Variants in HPSE2 observed in about 807,000 individuals in gnomAD.
HPSE2 encodes heparanase 2 (inactive).
In HPSE2, 38 loss-of-function variants were observed where a neutral mutation model predicts 60.5. The observed-to-expected ratio is 0.63, with a 90% CI of 0.48 to 0.82. The LOEUF (loss-of-function observed/expected upper bound fraction) is 0.82, where lower values mean the gene tolerates loss of function less well. HPSE2 is among the 40% of genes least tolerant of loss of function. The probability of loss-of-function intolerance (pLI) is 0.00; values close to 1 mark genes in which losing one functional copy is unlikely to be tolerated. For synonymous variants in HPSE2, 295 were observed against 293.2 expected, an observed-to-expected ratio of 1.01 and a Z score of -0.06; for missense variants, 713 against 740.4, an observed-to-expected ratio of 0.96 and a Z score of 0.43.
At chr10:98,564,075 G>A (rs963511713) in intron 9 of HPSE2, among the ~76,000 whole-genome samples, 2 of 152,140 alleles carry the variant, frequency 1.3e-5, no homozygotes, top group African/African-American at 4.8e-5. Context: ...CCTCCCTTTA[G>A]TGAGAGCTGG....
At chr10:98,824,383 C>G (rs565656897) in intron 3 of HPSE2, among the ~76,000 whole-genome samples, 1 of 152,296 alleles carries the variant, frequency 6.6e-6, no homozygotes, top group East Asian at 1.9e-4. Context: ...ACTGTGTGCA[C>G]TTTTCTGCAT....
Position 99,126,410 on chromosome 10 carries a change from T to C in HPSE2, c.610+17828A>G, listed in dbSNP as rs1845166255. Among the ~76,000 whole-genome samples, 1 of 152,138 alleles carries C rather than the reference T, an allele frequency of 6.6e-6. No homozygotes were observed. The highest frequency in any genetic ancestry group is 6.5e-5 in the Admixed American group (1 of 15,274). On this transcript the variant is annotated intron_variant, in intron 3 of 11. Coordinates refer to ENST00000370552, the MANE Select transcript of HPSE2 (RefSeq NM_021828.5). This position sits in a 1 kb window ranked among gnomAD's most constrained non-coding sequence, Gnocchi z 4.0. The stretch of plus-strand genomic sequence containing the variant: ...GAAAAGACAGCTCATCCAAGCTTTA[T>C]GGCCCCACCCATCGCCTGGGAAACC...
intron 9 of HPSE2, among the ~76,000 whole-genome samples, chr10:98,600,814 G>A (rs1945380255): frequency 2.0e-5 from 3 of 146,386 alleles, no homozygotes; most frequent in South Asian, 4.3e-4. Flanking sequence ...GTGTGTGCGT[G>A]TGTGTGTAGA....
At chr10:98,475,422 G>T (rs560118525) in intron 11 of HPSE2, among the ~76,000 whole-genome samples, 259 of 152,168 alleles carry the variant, frequency 1.7e-3, no homozygotes, top group Non-Finnish European at 2.8e-3. Context: ...CCCAGCCCGG[G>T]ACCATAATTC....
chr10:99,105,693 T>G (rs1479340126), intron 3 of HPSE2, among the ~76,000 whole-genome samples: 1 of 152,106 alleles, frequency 6.6e-6, no homozygotes, highest in Non-Finnish European at 1.5e-5. Flanking sequence ...AAGAACTCTT[T>G]GCCCACACCA....
At chr10:99,230,853 A>G (rs1349519102) in intron 2 of HPSE2, among the ~76,000 whole-genome samples, 1 of 152,178 alleles carries the variant, frequency 6.6e-6, no homozygotes, top group Non-Finnish European at 1.5e-5. Context: ...AAAAACCATT[A>G]ATATTCTCCC....
intron 5 of HPSE2, among the ~76,000 whole-genome samples, chr10:98,700,625 A>T (rs1178807667): frequency 9.8e-6 from 1 of 101,836 alleles, no homozygotes; most frequent in Non-Finnish European, 2.2e-5. Flanking sequence ...AATGGCAACA[A>T]AAGCCAAAAT....
At chr10:98,521,296 A>G (rs1942784128) in intron 9 of HPSE2, among the ~76,000 whole-genome samples, 2 of 152,344 alleles carry the variant, frequency 1.3e-5, no homozygotes, top group Non-Finnish European at 2.9e-5. Context: ...ATTTACAAGA[A>G]AAAAACTCCA....
In HPSE2 at chr10:99,232,513, G is replaced by A. The variant is rs765370069; in HGVS notation, c.291-8C>T. On this transcript the variant is annotated splice_region_variant and splice_polypyrimidine_tract_variant and intron_variant, in intron 1 of 11. Coordinates refer to ENST00000370552, the MANE Select transcript of HPSE2 (RefSeq NM_021828.5). ...GTCACCAAGCGCTTGGAGCTGCAGA[G>A]GAAGAGAATAAGAGAGGAAAGGTTC... 80 of 1,551,812 alleles carry A rather than the reference G, an allele frequency of 5.2e-5. 1 individual carries two copies. The highest frequency in any genetic ancestry group is 6.7e-5 in the Non-Finnish European group (77 of 1,148,042).
In HPSE2 at chr10:98,620,669, C is replaced by T. The variant is rs1388442121; in HGVS notation, c.1138G>A (p.Glu380Lys). 6.2e-7 allele frequency: 1 copy of T among 1,614,062 alleles called. No homozygotes were observed. Among genetic ancestry groups the T allele is most frequent in the South Asian group, 1.1e-5 (1 of 91,044 alleles). ...CCAGCTGAGGTGGTCACCACACCTT[C>T]AAGCCAAATCTTCTTTCCTGGAGTG... ...TYTPGKKIWL[E>K]GVVTTSAGGT... The change falls in exon 8 of 12, where the codon GAA becomes AAA. Residue 380 changes from glutamate to lysine, a missense_variant. Coordinates refer to ENST00000370552, the MANE Select transcript of HPSE2 (RefSeq NM_021828.5).
At chr10:99,304,809 A>G in the HPSE2 span, among the ~76,000 whole-genome samples, 1 of 152,224 alleles carries the variant, frequency 6.6e-6, no homozygotes, top group Non-Finnish European at 1.5e-5. Context: ...ACAGACAGAA[A>G]CGAATGAAAC....
intron 3 of HPSE2, among the ~76,000 whole-genome samples, chr10:98,799,673 T>C (rs1489200771): frequency 1.3e-5 from 2 of 151,590 alleles, no homozygotes; most frequent in Non-Finnish European, 2.9e-5. Context: ...AACAATATGC[T>C]CCTGCCTGAC....
At chr10:99,086,961 T>C (rs1468776539) in intron 3 of HPSE2, among the ~76,000 whole-genome samples, 1 of 152,220 alleles carries the variant, frequency 6.6e-6, no homozygotes, top group Non-Finnish European at 1.5e-5. Context: ...AACTTCATTG[T>C]GGAAAATGCA....
intron 9 of HPSE2, among the ~76,000 whole-genome samples, chr10:98,568,920 G>C (rs1218984411): frequency 2.6e-5 from 4 of 151,584 alleles, no homozygotes; most frequent in Admixed American, 2.6e-4. Flanking sequence ...GGTTTTTTTG[G>C]TGTGATGAAA....
chr10:98,820,900 T>G (rs1951409368), intron 3 of HPSE2, among the ~76,000 whole-genome samples: 1 of 152,202 alleles, frequency 6.6e-6, no homozygotes, highest in South Asian at 2.1e-4. Flanking sequence ...CTCATCATAC[T>G]CAGTATTATT....
intron 3 of HPSE2, among the ~76,000 whole-genome samples, chr10:98,854,409 G>T (rs1433140292): frequency 6.6e-6 from 1 of 152,094 alleles, no homozygotes; most frequent in Non-Finnish European, 1.5e-5. Flanking sequence ...AACGTCATTA[G>T]CTGTAACAGG....
chr10:99,034,671 A>G (rs182325882), intron 3 of HPSE2, among the ~76,000 whole-genome samples: 26 of 152,304 alleles, frequency 1.7e-4, no homozygotes, highest in Middle Eastern at 6.8e-3. Flanking sequence ...CACTTAACAA[A>G]GGGATATGTT....
At chr10:99,266,744 A>G in the HPSE2 span, among the ~76,000 whole-genome samples, 5 of 152,158 alleles carry the variant, frequency 3.3e-5, no homozygotes, top group Non-Finnish European at 7.3e-5. Flanking sequence ...GACAGAGTCC[A>G]TTTTACTTCC....
chr10:99,100,823 G>C (rs4598605), intron 3 of HPSE2, among the ~76,000 whole-genome samples: 74,742 of 152,076 alleles, frequency 0.49, 20,821 homozygotes, highest in East Asian at 0.65. Context: ...CCAGAAGAGA[G>C]TAGGGGCCAA....
Sources: allele counts gnomAD v4.1 joint callset (sites outside exome capture counted in the v4.1 genomes callset), GRCh38; gene constraint gnomAD v4.1.1; non-coding constraint Gnocchi (gnomAD v3.1); transcripts MANE v1.5; gene names NCBI Gene and HGNC (gene_info 2026-07-23, HGNC 2026-07-21).